Variants in TBXT observed in about 807,000 individuals in gnomAD.
TBXT encodes the protein T brachyury transcription factor.
A neutral mutation model predicts 41.1 loss-of-function variants in TBXT; 19 were observed. That is an observed-to-expected ratio of 0.46 (90% confidence interval 0.32 to 0.68). The LOEUF is 0.68. Ranked by LOEUF, TBXT falls within the 30% of genes least tolerant of loss-of-function variation. TBXT has a pLI of 0.03. For missense variants in TBXT, 536 were observed against 582.0 expected (o/e 0.92, Z 0.81); for synonymous variants, 213 against 238.9 (o/e 0.89, Z 1.00).
chr6:166,161,656 C>G (rs1778958116), intron 6 of TBXT, among the ~76,000 whole-genome samples: 1 of 152,226 alleles, frequency 6.6e-6, no homozygotes, highest in Non-Finnish European at 1.5e-5. Flanking sequence ...GGCGTGGTGG[C>G]TCACGCCTGT....
intron 3 of TBXT, among the ~76,000 whole-genome samples, chr6:166,165,345 C>T (rs1041871619): frequency 1.3e-5 from 2 of 151,584 alleles, no homozygotes; most frequent in Non-Finnish European, 2.9e-5. Flanking sequence ...TGCCCCCCCA[C>T]CCTTTGGGGA....
At chr6:166,165,954 T>G in intron 2 of TBXT, 114 bp from the exon 3 acceptor site, 1 of 1,517,658 alleles carries the variant, frequency 6.6e-7, no homozygotes, top group Non-Finnish European at 9.1e-7. Flanking sequence ...GTGTCTCTGC[T>G]GTTGAGGGAA....
chr6:166,167,777 G>A lies in TBXT; in HGVS notation c.-186C>T. On this transcript the variant is annotated 5_prime_UTR_variant, in exon 1 of 8. Coordinates refer to ENST00000366876, the MANE Select transcript of TBXT (RefSeq NM_001366285.2). Reference sequence around the variant, plus strand: ...GAGGGCGCGGACCAAGACTTGGGGGGAGGGGACGGGGGCAGAGGGGTGGGG... The same window carrying A: ...GAGGGCGCGGACCAAGACTTGGGGGAAGGGGACGGGGGCAGAGGGGTGGGG... 2 of 682,098 alleles carry A rather than the reference G, an allele frequency of 2.9e-6. No homozygotes were observed. Among genetic ancestry groups the A allele is most frequent in the East Asian group, 2.7e-5 (1 of 36,944 alleles). The allele number at this position is 682,098 out of a possible 1,614,324, so 42.3% of individuals were successfully genotyped here. A position where few individuals can be genotyped will look rare whatever the true frequency, so the allele number is the denominator to read the frequency against.
chr6:166,163,675 T>A (rs1779025723), intron 5 of TBXT, among the ~76,000 whole-genome samples: 1 of 152,188 alleles, frequency 6.6e-6, no homozygotes, highest in Admixed American at 6.5e-5. Context: ...TGAGCCACCG[T>A]GCCCGTCCTC....
intron 6 of TBXT, among the ~76,000 whole-genome samples, chr6:166,161,922 C>CAA (rs55822366): frequency 2.0e-5 from 3 of 151,798 alleles, no homozygotes; most frequent in Admixed American, 2.0e-4. Flanking sequence ...GACTCCGTCT[C>CAA]AAAAAAAAGC....
intron 1 of TBXT, 57 bp downstream of exon 1, chr6:166,167,329 C>G: frequency 1.2e-6 from 2 of 1,602,750 alleles, no homozygotes; most frequent in African/African-American, 1.3e-5. Flanking sequence ...GCCAGGTCCC[C>G]CAGGCTGCCC....
intron 5 of TBXT, among the ~76,000 whole-genome samples, chr6:166,163,811 C>T (rs1371737879): frequency 6.6e-6 from 1 of 152,246 alleles, no homozygotes; most frequent in Admixed American, 6.5e-5. Flanking sequence ...AGGGTGCAGA[C>T]GTGCCCTGGC....
Position 166,158,430 on chromosome 6 carries a change from G to T in TBXT, c.1196C>A (p.Ser399Tyr). ...CGCGGCCGCCCCTTCGTACAGTGGG[G>T]ATCCCGAGGAAGAGGGCGCCGAGAC... ...HPVSAPSSSG[S>Y]PLYEGAAAAT... The change falls in exon 8 of 8, where the codon TCC becomes TAC. Residue 399 changes from serine (S) to tyrosine (Y), a missense_variant. Physicochemically the swap from Ser to Tyr is moderately radical, Grantham distance 144. Transcript: ENST00000366876. 1 of 1,614,200 alleles carries T rather than the reference G, an allele frequency of 6.2e-7. No individual in the cohort carries two copies. The highest frequency in any genetic ancestry group is 8.5e-7 in the Non-Finnish European group (1 of 1,180,040).
chr6:166,160,054 T>A (rs1638788985), intron 7 of TBXT, among the ~76,000 whole-genome samples: 1 of 152,236 alleles, frequency 6.6e-6, no homozygotes, highest in South Asian at 2.1e-4. Context: ...GCCTTTGAGG[T>A]CAAGATCACT....
intron 2 of TBXT, 140 bp from the exon 3 acceptor site, chr6:166,165,980 G>C: frequency 2.3e-6 from 3 of 1,314,046 alleles, no homozygotes; most frequent in Admixed American, 1.7e-5. Flanking sequence ...GTTCCACCAG[G>C]GGAGGCTTCT....
At chr6:166,161,839 C>A (rs1267350716) in intron 6 of TBXT, among the ~76,000 whole-genome samples, 1 of 152,350 alleles carries the variant, frequency 6.6e-6, no homozygotes, top group Non-Finnish European at 1.5e-5. Flanking sequence ...AGGAGAATGG[C>A]GTGAACCCGA....
At chr6:166,168,015 A>G, upstream of TBXT, 1 of 244,836 alleles carries the variant, frequency 4.1e-6, no homozygotes, top group South Asian at 5.3e-5. Flanking sequence ...CCGGGGGCCA[A>G]CAATGGGCTC....
At chr6:166,159,257 C>T (rs1778881609) in intron 7 of TBXT, among the ~76,000 whole-genome samples, 1 of 152,210 alleles carries the variant, frequency 6.6e-6, no homozygotes, top group African/African-American at 2.4e-5. Flanking sequence ...TAGTCTCAAC[C>T]AAAAGTTACT....
rs781204071 is a variant in TBXT, at chr6:166,158,393, G to A, written c.1233C>T (p.Ile411=). The A allele has an allele frequency of 7.1e-5, 114 of 1,614,078 alleles. No individual in the cohort carries two copies. In the Admixed American group the frequency reaches 1.8e-3, roughly 26 times the overall value. The part of the protein sequence containing the change: ...LYEGAAAATD[I]VDSQYDAAAQ... ...CTGCGGCGTCGTACTGGCTGTCCAC[G>A]ATGTCTGTGGCCGCGGCCGCCCCTT... Residue 411 remains isoleucine (I), a synonymous_variant, in exon 8 of 8, where the codon ATC becomes ATT. Transcript: ENST00000366876.
chr6:166,158,874 G>A (rs3127329), intron 7 of TBXT, among the ~76,000 whole-genome samples: 115,946 of 152,198 alleles, frequency 0.76, 44,469 homozygotes, highest in East Asian at 0.89. Context: ...AAGTTTCACT[G>A]CGAAAGACTC....
intron 6 of TBXT, 49 bp from the exon 7 acceptor site, chr6:166,161,015 A>G (rs1778940024): frequency 6.2e-7 from 1 of 1,609,604 alleles, no homozygotes; most frequent in African/African-American, 1.3e-5. Flanking sequence ...GTCTTCCAAG[A>G]ACAACAAAGT....
In TBXT at chr6:166,158,361, C is replaced by T; in HGVS notation, c.1265G>A (p.Gly422Asp). ...AGGTGTCCATGAGGCTATGAGGCGG[C>T]CTTGGGCTGCGGCGTCGTACTGGCT... ...VDSQYDAAAQ[G>D]RLIASWTPVS... The change falls in exon 8 of 8, where the codon GGC becomes GAC. Residue 422 changes from glycine (G) to aspartate (D), a missense_variant. Transcript: ENST00000366876. 1 of 1,614,238 alleles carries T rather than the reference C, an allele frequency of 6.2e-7. No individual in the cohort carries two copies. Among genetic ancestry groups the T allele is most frequent in the South Asian group, 1.1e-5 (1 of 91,088 alleles).
intron 3 of TBXT, among the ~76,000 whole-genome samples, chr6:166,165,063 G>A (rs961866364): frequency 6.6e-6 from 1 of 152,168 alleles, no homozygotes; most frequent in Non-Finnish European, 1.5e-5. Context: ...AATTTTCAAT[G>A]TCAATGTTCT....
intron 5 of TBXT, among the ~76,000 whole-genome samples, chr6:166,164,343 A>G (rs1206564429): frequency 6.6e-6 from 1 of 152,222 alleles, no homozygotes; most frequent in Non-Finnish European, 1.5e-5. Flanking sequence ...GGTCTCAATG[A>G]TCCACCCCAG....
Sources: allele counts gnomAD v4.1 joint callset (sites outside exome capture counted in the v4.1 genomes callset), GRCh38; gene constraint gnomAD v4.1.1; transcripts MANE v1.5; gene names NCBI Gene and HGNC (gene_info 2026-07-23, HGNC 2026-07-21).